Variants in FECH observed in about 807,000 individuals in gnomAD.
FECH encodes the protein ferrochelatase, mitochondrial.
FECH carries 40 observed loss-of-function variants against 56.9 expected under a neutral mutation model. The observed-to-expected ratio is 0.70, with a 90% CI of 0.55 to 0.92. The LOEUF is 0.92. FECH is among the 40% of genes least tolerant of loss of function. The pLI, the probability that FECH is intolerant of heterozygous loss-of-function variation, is 0.00. For synonymous variants in FECH, 175 were observed against 198.6 expected (o/e 0.88, Z 1.00); for missense variants, 431 against 529.1 (o/e 0.81, Z 1.82).
chr18:57,571,598 T>C (rs1191363916), intron 3 of FECH, 58 bp from the exon 4 acceptor site: 2 of 1,613,654 alleles, frequency 1.2e-6, no homozygotes, highest in Non-Finnish European at 1.7e-6. Context: ...ACCTGAGAAA[T>C]GTTTTCTACT....
intron 1 of FECH, among the ~76,000 whole-genome samples, chr18:57,580,867 C>A (rs948728902): frequency 3.9e-5 from 6 of 152,220 alleles, no homozygotes; most frequent in African/African-American, 1.2e-4. Context: ...TCCACACCCA[C>A]TCCCAGGGTC....
At chr18:57,565,334 G>A (rs866902432) in intron 5 of FECH, among the ~76,000 whole-genome samples, 6 of 152,138 alleles carry the variant, frequency 3.9e-5, no homozygotes, top group Admixed American at 1.3e-4. Context: ...GGCTGAGTGC[G>A]GTGGCTCACG....
chr18:57,553,219 T>C (rs1438054430), intron 9 of FECH, among the ~76,000 whole-genome samples: 3 of 147,496 alleles, frequency 2.0e-5, no homozygotes, highest in Non-Finnish European at 4.5e-5. Context: ...CCATAGACAA[T>C]GCTGCAACCA....
chr18:57,579,976 G>A (rs1033105363), intron 2 of FECH, 97 bp downstream of exon 2: 10 of 1,545,910 alleles, frequency 6.5e-6, no homozygotes, highest in Non-Finnish European at 7.1e-6. Context: ...TTCCACACTG[G>A]CTTTTCCCAG....
intron 2 of FECH, among the ~76,000 whole-genome samples, chr18:57,579,273 A>ATGTGTGTATATATATATATATG (rs1555681593): frequency 9.7e-4 from 120 of 124,258 alleles, no homozygotes; most frequent in African/African-American, 3.5e-3. Flanking sequence ...ATATATATAT[A>ATGTGTGTATATATATATATATG]TGTGTGTGTG....
At position 57,562,965 on chromosome 18, in the gene FECH, G is replaced by A; in HGVS notation, c.614C>T (p.Ala205Val). 6.2e-7 allele frequency: 1 copy of A among 1,613,914 alleles called. No individual in the cohort carries two copies. Among genetic ancestry groups the A allele is most frequent in the East Asian group, 2.2e-5 (1 of 44,880 alleles). The change falls in exon 6 of 11, where the codon GCC (alanine) becomes GTC (valine). Residue 205 changes from alanine (A) to valine (V), a missense_variant. Ala to Val is a moderately conservative substitution (Grantham distance 64). Coordinates refer to ENST00000262093, the MANE Select transcript of FECH (RefSeq NM_000140.5). ...CACTTGATTATAGTATCTGTAAATG[G>A]CATTTAAGCTGCTGCCTGAAATATA... ...SCSTTGSSLN[A>V]IYRYYNQVGR...
chr18:57,567,830 T>C (rs149553211), intron 4 of FECH: 1 of 152,322 alleles, frequency 6.6e-6, no homozygotes, highest in East Asian at 1.9e-4. Flanking sequence ...GAGAAGCACA[T>C]GTGTGCACAG....
chr18:57,554,523 G>C, intron 8 of FECH, 99 bp from the exon 9 acceptor site: 1 of 1,274,126 alleles, frequency 7.8e-7, no homozygotes, highest in Non-Finnish European at 1.1e-6. Context: ...CCCACTGCGG[G>C]CAAGAGCCAC....
At chr18:57,562,143 T>A (rs1183863262) in intron 6 of FECH, among the ~76,000 whole-genome samples, 2 of 152,184 alleles carry the variant, frequency 1.3e-5, no homozygotes, top group Admixed American at 1.3e-4. Context: ...CAAATCTAAA[T>A]GACTTAATAT....
At chr18:57,584,209 A>G (rs1010170790) in intron 1 of FECH, among the ~76,000 whole-genome samples, 1 of 151,460 alleles carries the variant, frequency 6.6e-6, no homozygotes, top group Admixed American at 6.6e-5. Context: ...ACAAAACTTC[A>G]TAACTCCTGC....
In FECH at chr18:57,554,388, C is replaced by T. The variant is rs200280268; in HGVS notation, c.949G>A (p.Glu317Lys). ...PMPWLGPQTD[E>K]SIKGLCERGR... ...CTCTCACAAAGCCCTTTGATAGATT[C>T]GTCTGTTTGAGGACCCAACCAGGGC... is the stretch of plus-strand genomic sequence containing the variant. Residue 317 changes from glutamate to lysine, a missense_variant, in exon 9 of 11, where the codon GAA becomes AAA. By Grantham distance (56) the Glu-to-Lys change is moderately conservative (BLOSUM62 1). Transcript: ENST00000262093. 3.3e-4 allele frequency: 532 copies of T among 1,614,186 alleles called. 6 individuals are homozygous for T. The South Asian group carries it at 5.6e-3, about 17-fold the overall frequency.
intron 7 of FECH, among the ~76,000 whole-genome samples, chr18:57,556,639 G>C (rs1428365697): frequency 2.6e-5 from 4 of 152,088 alleles, no homozygotes; most frequent in Non-Finnish European, 4.4e-5. Flanking sequence ...GGTGGGGCGT[G>C]GCGCCTCACA....
chr18:57,550,892 T>G, intron 10 of FECH, 46 bp from the exon 11 acceptor site: 1 of 1,611,314 alleles, frequency 6.2e-7, no homozygotes, highest in Non-Finnish European at 8.5e-7. Context: ...GCACAGGGTC[T>G]GCTCGTCTGC....
intron 2 of FECH, among the ~76,000 whole-genome samples, chr18:57,577,485 A>G (rs1020723558): frequency 2.0e-5 from 3 of 152,230 alleles, no homozygotes; most frequent in African/African-American, 7.2e-5. Flanking sequence ...CCAAGCATTA[A>G]GCAGCACAAT....
intron 2 of FECH, among the ~76,000 whole-genome samples, chr18:57,574,821 A>C (rs1004653773): frequency 2.0e-5 from 3 of 152,226 alleles, no homozygotes; most frequent in Non-Finnish European, 2.9e-5. Context: ...TCTTTTTTTC[A>C]TATTTAAAAA....
chr18:57,573,078 G>A, intron 3 of FECH, 168 bp downstream of exon 3: 1 of 718,602 alleles, frequency 1.4e-6, no homozygotes, highest in South Asian at 1.8e-5. Context: ...CTCTCCCCCT[G>A]CAATTTTCTG....
intron 1 of FECH, among the ~76,000 whole-genome samples, chr18:57,584,978 A>G (rs2051345437): frequency 6.7e-6 from 1 of 149,934 alleles, no homozygotes; most frequent in South Asian, 2.2e-4. Context: ...ACCACCGTAC[A>G]CCAGCCTGAG....
intron 8 of FECH, 125 bp from the exon 9 acceptor site, chr18:57,554,549 G>T (rs947440865): frequency 1.1e-5 from 11 of 1,011,406 alleles, no homozygotes; most frequent in Admixed American, 1.8e-5. Flanking sequence ...ACACCTGCTT[G>T]AATGGATTTT....
At position 57,571,266 on chromosome 18, in the gene FECH, T is replaced by C; in HGVS notation, c.463+126A>G. 3 of 978,972 alleles carry C rather than the reference T, an allele frequency of 3.1e-6. No homozygotes were observed. In the Admixed American group the frequency reaches 6.0e-5, roughly 20 times the overall value. 60.6% of individuals were successfully genotyped at this position (978,972 alleles called of 1,614,324 possible). A position where few individuals can be genotyped will look rare whatever the true frequency, so the allele number is the denominator to read the frequency against. ...AGACCTAAATTAAGTGACCATGTATTATGTAGAAACACCACAAATTGAGTT... is the reference window on the plus strand; with the variant it reads ...AGACCTAAATTAAGTGACCATGTATCATGTAGAAACACCACAAATTGAGTT... On this transcript the variant is annotated intron_variant, in intron 4 of 10. Coordinates refer to ENST00000262093, the MANE Select transcript of FECH (RefSeq NM_000140.5).
Sources: allele counts gnomAD v4.1 joint callset (sites outside exome capture counted in the v4.1 genomes callset), GRCh38; gene constraint gnomAD v4.1.1; transcripts MANE v1.5; gene names NCBI Gene and HGNC (gene_info 2026-07-23, HGNC 2026-07-21).